GRIP2: variants seen among roughly 807,000 people sequenced by gnomAD.
The protein encoded by GRIP2 is glutamate receptor-interacting protein 2.
In GRIP2, 58 loss-of-function variants were observed where a neutral mutation model predicts 108.3. The ratio of observed to expected loss-of-function variants is 0.54; its 90% CI spans 0.43 to 0.67. The LOEUF (loss-of-function observed/expected upper bound fraction) is 0.67, where lower values mean the gene tolerates loss of function less well. Ranked by LOEUF, GRIP2 falls within the 30% of genes least tolerant of loss-of-function variation. The pLI is 0.00. For missense variants in GRIP2, 1,278 were observed against 1,430.6 expected (o/e 0.89, Z 1.72); for synonymous variants, 586 against 598.2 (o/e 0.98, Z 0.30).
intron 21 of GRIP2, 35 bp downstream of exon 21, chr3:14,503,531 T>C (rs1213131712): frequency 2.7e-6 from 4 of 1,477,306 alleles, no homozygotes; most frequent in African/African-American, 2.8e-5. Context: ...CAGCCCCGGG[T>C]GCCCCATGCA....
chr3:14,493,240 C>T lies in GRIP2; in HGVS notation c.*425G>A, dbSNP rs754115407. 90 of 168,280 alleles carry T rather than the reference C, an allele frequency of 5.3e-4. No homozygotes were observed. Among genetic ancestry groups the T allele is most frequent in the Admixed American group, 1.1e-3 (18 of 15,872 alleles). 10.4% of individuals were successfully genotyped at this position (168,280 alleles called of 1,614,324 possible). A position where few individuals can be genotyped will look rare whatever the true frequency, so the allele number is the denominator to read the frequency against. On this transcript the variant is annotated 3_prime_UTR_variant, in exon 24 of 24. Coordinates refer to ENST00000621039, the MANE Select transcript of GRIP2 (RefSeq NM_001080423.4). ...GTATCCAGCTCCTGCCTGCTCACCT[C>T]CTGTGACCGAGAACTCACTCCTCCT...
In GRIP2 at chr3:14,492,620, T is replaced by C. The variant is rs1701361813; in HGVS notation, c.*1045A>G. ...CATTTCTCTCCCATCTCCCTCCCTC[T>C]TTCTCCTCTTCCTCCACTGATCTGG... On this transcript the variant is annotated 3_prime_UTR_variant, in exon 24 of 24. Transcript: ENST00000621039. 6.6e-6 allele frequency: 1 copy of C among 152,332 alleles called. No individual in the cohort carries two copies. Among genetic ancestry groups the C allele is most frequent in the African/African-American group, 2.4e-5 (1 of 41,464 alleles). The allele number at this position is 152,332 out of a possible 1,614,324, so 9.4% of individuals were successfully genotyped here. A position where few individuals can be genotyped will look rare whatever the true frequency, so the allele number is the denominator to read the frequency against.
Position 14,521,865 on chromosome 3 carries a change from G to C in GRIP2, c.567-78C>G, listed in dbSNP as rs765942685. ...CCTGTCTGGGAGGGCGCTGGGAAGCGGGACATGGAGGATGAAGAAGCAGGG... is the reference window on the plus strand; with the variant it reads ...CCTGTCTGGGAGGGCGCTGGGAAGCCGGACATGGAGGATGAAGAAGCAGGG... On this transcript the variant is annotated intron_variant, in intron 6 of 23. Transcript: ENST00000621039. The surrounding 1 kb of genome is among the most constrained non-coding windows in gnomAD (Gnocchi z 5.1). The C allele has an allele frequency of 2.5e-5, 34 of 1,353,584 alleles. No individual in the cohort carries two copies. Among genetic ancestry groups the C allele is most frequent in the Non-Finnish European group, 3.3e-5 (34 of 1,019,990 alleles). The allele number at this position is 1,353,584 out of a possible 1,614,324, so 83.8% of individuals were successfully genotyped here. A position where few individuals can be genotyped will look rare whatever the true frequency, so the allele number is the denominator to read the frequency against.
chr3:14,601,066 T>TCA, the GRIP2 span, among the ~76,000 whole-genome samples: 3,056 of 148,980 alleles, frequency 0.021, 44 homozygotes, highest in African/African-American at 0.035. Flanking sequence ...TCTCTCTCTC[T>TCA]CACACACACA....
At chr3:14,572,709 A>G in the GRIP2 span, 2 of 479,332 alleles carry the variant, frequency 4.2e-6, no homozygotes, top group African/African-American at 2.0e-5. Flanking sequence ...AGAAGTGAAC[A>G]AGGCACAAGA....
upstream of GRIP2, among the ~76,000 whole-genome samples, chr3:14,544,353 CT>C (rs997874719): frequency 3.3e-5 from 5 of 152,232 alleles, no homozygotes; most frequent in African/African-American, 7.2e-5. Context: ...CCTAGCACCC[CT>C]AGCCCCTCCC....
At chr3:14,545,925 G>C (rs1695051282), upstream of GRIP2, among the ~76,000 whole-genome samples, 1 of 152,218 alleles carries the variant, frequency 6.6e-6, no homozygotes, top group Non-Finnish European at 1.5e-5. Context: ...TTCTGGTCTA[G>C]GGAGGACCAG....
At chr3:14,544,324 G>T (rs907808854), upstream of GRIP2, among the ~76,000 whole-genome samples, 1 of 152,184 alleles carries the variant, frequency 6.6e-6, no homozygotes, top group Non-Finnish European at 1.5e-5. Context: ...GTGCGGGGCT[G>T]CTCTCACACT....
At chr3:14,494,391 C>T (rs756811833) in intron 23 of GRIP2, among the ~76,000 whole-genome samples, 2 of 152,344 alleles carry the variant, frequency 1.3e-5, no homozygotes, top group East Asian at 1.9e-4. Context: ...GCCCAGTACA[C>T]GATGTCCCAC....
At chr3:14,591,686 C>A in the GRIP2 span, among the ~76,000 whole-genome samples, 1 of 152,146 alleles carries the variant, frequency 6.6e-6, no homozygotes, top group Non-Finnish European at 1.5e-5. Context: ...TTAGCCAAAC[C>A]GTGCCTCTTG....
intron 1 of GRIP2, among the ~76,000 whole-genome samples, chr3:14,532,758 A>C (rs1335906234): frequency 6.6e-6 from 1 of 150,430 alleles, no homozygotes; most frequent in Non-Finnish European, 1.5e-5. Flanking sequence ...ACTGAGTCGG[A>C]GGTGGGGCTC....
At position 14,493,973 on chromosome 3, in the gene GRIP2, A is replaced by G. The variant is rs1693494263; in HGVS notation, c.2971-147T>C. ...TCACCAGCACCACACACAGAGGAAC[A>G]TTCTTCCTCTAACTCTCTCTCAGTC... On this transcript the variant is annotated intron_variant, in intron 23 of 23. Transcript: ENST00000621039. The G allele has an allele frequency of 4.1e-6, 3 of 727,098 alleles. No homozygotes were observed. The East Asian group carries it at 9.2e-5, about 22-fold the overall frequency. The allele number at this position is 727,098 out of a possible 1,614,324, so 45.0% of individuals were successfully genotyped here.
rs368903779 is a variant in GRIP2, at chr3:14,523,041, C to A, written c.525G>T (p.Pro175=). ...CGGGCCGCACGTAGGTCAGGACAAGCGGGCGGGACTTGTGCCCATCTTCAT... is the reference window on the plus strand; with the variant it reads ...CGGGCCGCACGTAGGTCAGGACAAGAGGGCGGGACTTGTGCCCATCTTCAT... The part of the protein sequence containing the change: ...GAHEDGHKSR[P]LVLTYVRPGG... Residue 175 remains proline, a synonymous_variant, in exon 6 of 24, where the codon CCG becomes CCT. Transcript: ENST00000621039. 9.9e-6 allele frequency: 16 copies of A among 1,612,662 alleles called. No homozygotes were observed. The highest frequency in any genetic ancestry group is 1.3e-5 in the African/African-American group (1 of 74,878).
intron 21 of GRIP2, 25 bp from the exon 22 acceptor site, chr3:14,496,585 C>G (rs567066874): frequency 2.0e-5 from 32 of 1,584,786 alleles, no homozygotes; most frequent in Non-Finnish European, 6.0e-6. Flanking sequence ...GCCTTTCTTT[C>G]AGATGCTTGT....
chr3:14,546,859 T>A (rs1209553458), upstream of GRIP2, among the ~76,000 whole-genome samples: 1 of 152,134 alleles, frequency 6.6e-6, no homozygotes, highest in African/African-American at 2.4e-5. Flanking sequence ...GCACAGCTGG[T>A]GGGGGGTAAA....
rs981368276 is a variant in GRIP2, at chr3:14,522,363, G to C, written c.567-576C>G. The C allele has an allele frequency of 2.0e-5, 3 of 152,530 alleles. No homozygotes were observed. The highest frequency in any genetic ancestry group is 7.2e-5 in the African/African-American group (3 of 41,400). The allele number at this position is 152,530 out of a possible 1,614,324, so 9.4% of individuals were successfully genotyped here. A position where few individuals can be genotyped will look rare whatever the true frequency, so the allele number is the denominator to read the frequency against. ...TTGGGTCGCATCCCCAGCCTGGAAC[G>C]CCTCTCCCAACAGGTGGCCAAAGCT... On this transcript the variant is annotated intron_variant, in intron 6 of 23. Coordinates refer to ENST00000621039, the MANE Select transcript of GRIP2 (RefSeq NM_001080423.4). This position sits in a 1 kb window ranked among gnomAD's most constrained non-coding sequence, Gnocchi z 4.3.
chr3:14,506,369 C>T (rs1335270754), intron 19 of GRIP2, among the ~76,000 whole-genome samples: 3 of 152,194 alleles, frequency 2.0e-5, no homozygotes, highest in South Asian at 2.1e-4. Context: ...GGAGGGAGCC[C>T]GAGGTGTCTG....
chr3:14,518,962 C>T (rs1694331966), intron 9 of GRIP2, among the ~76,000 whole-genome samples: 1 of 152,192 alleles, frequency 6.6e-6, no homozygotes, highest in Non-Finnish European at 1.5e-5. Context: ...TAATGAGAGC[C>T]AAGGGGTTGT....
At chr3:14,601,317 C>T in the GRIP2 span, among the ~76,000 whole-genome samples, 2 of 152,106 alleles carry the variant, frequency 1.3e-5, no homozygotes, top group Admixed American at 6.5e-5. Flanking sequence ...CATGCTCAGA[C>T]GAAAGTTAGT....
Sources: gnomAD v4.1 joint callset for allele counts (sites outside exome capture counted in the v4.1 genomes callset) on GRCh38, gnomAD v4.1.1 for gene constraint, Gnocchi (gnomAD v3.1) non-coding constraint, MANE v1.5 for transcripts, NCBI Gene and HGNC (gene_info 2026-07-23, HGNC 2026-07-21) for gene names.